Variants in PEPD observed in about 807,000 individuals in gnomAD.
PEPD encodes the protein xaa-Pro dipeptidase.
A neutral mutation model predicts 60.7 loss-of-function variants in PEPD; 53 were observed. That is an observed-to-expected ratio of 0.87 (90% CI 0.70 to 1.10). PEPD has a LOEUF of 1.10. PEPD is among the 50% of genes least tolerant of loss of function. The pLI is 0.00. For missense variants in PEPD, 711 were observed against 711.9 expected (o/e 1.00, Z 0.01); for synonymous variants, 267 against 284.1 (o/e 0.94, Z 0.60).
In PEPD at chr19:33,410,723, A is replaced by G. The variant is rs182884332; in HGVS notation, c.818+949T>C. ...GCTTGTTCGGGTGCATCTGCCATAG[A>G]AGAAAGGGCACCAAAGAACTGGGAG... On this transcript the variant is annotated intron_variant, in intron 11 of 14. Coordinates refer to ENST00000244137, the MANE Select transcript of PEPD (RefSeq NM_000285.4). Among the ~76,000 whole-genome samples the G allele has an allele frequency of 1.8e-3, 272 of 152,282 alleles. 1 individual carries two copies. Among genetic ancestry groups the G allele is most frequent in the African/African-American group, 5.8e-3 (240 of 41,576 alleles).
intron 9 of PEPD, among the ~76,000 whole-genome samples, chr19:33,457,247 C>T (rs994673162): frequency 6.6e-6 from 1 of 151,988 alleles, no homozygotes; most frequent in African/African-American, 2.4e-5. Flanking sequence ...GCCTGGGCAA[C>T]AAGGCAAAAC....
rs750890043 is a variant in PEPD at position 33,500,985 on chromosome 19, G to A, written c.346C>T (p.His116Tyr). The A allele has an allele frequency of 1.2e-6, 2 of 1,600,374 alleles. No homozygotes were observed. Among genetic ancestry groups the A allele is most frequent in the South Asian group, 1.1e-5 (1 of 90,806 alleles). Reference sequence around the variant, plus strand: ...TCCACGGCATACTTCTCCTTGAAGTGCTCCTTGGAATGGATCCTCAAAGAA... The same window carrying A: ...TCCACGGCATACTTCTCCTTGAAGTACTCCTTGGAATGGATCCTCAAAGAA... ...TWMGKIHSKE[H>Y]FKEKYAVDDV... The change falls in exon 4 of 15, where the codon CAC becomes TAC. Residue 116 changes from histidine (H) to tyrosine (Y), a missense_variant. By Grantham distance (83) the His-to-Tyr change is moderately conservative (BLOSUM62 2). Transcript: ENST00000244137.
At chr19:33,506,378 A>G (rs531585862) in intron 3 of PEPD, among the ~76,000 whole-genome samples, 142 of 139,500 alleles carry the variant, frequency 1.0e-3, no homozygotes, top group African/African-American at 3.6e-3. Flanking sequence ...CCCCATCACA[A>G]ACACCTTACA....
chr19:33,514,821 C>T (rs957081326), intron 1 of PEPD, among the ~76,000 whole-genome samples: 1 of 152,058 alleles, frequency 6.6e-6, no homozygotes, highest in African/African-American at 2.4e-5. Flanking sequence ...GACCAGGTTC[C>T]CCACTCTTCT....
chr19:33,443,676 C>CA (rs111740291), intron 9 of PEPD, among the ~76,000 whole-genome samples: 1,840 of 142,564 alleles, frequency 0.013, 26 homozygotes, highest in South Asian at 0.075. Context: ...ACTCTTATTC[C>CA]AAAAAAAAAA....
At chr19:33,504,837 T>G (rs1970770058) in intron 3 of PEPD, among the ~76,000 whole-genome samples, 1 of 151,732 alleles carries the variant, frequency 6.6e-6, no homozygotes, top group African/African-American at 2.4e-5. Context: ...CCACACACAC[T>G]CCCCTCAAAT....
At position 33,387,342 on chromosome 19, in the gene PEPD, C is replaced by A. The variant is rs567334835; in HGVS notation, c.*2G>T. 3.7e-6 allele frequency: 6 copies of A among 1,613,894 alleles called. No individual in the cohort carries two copies. The Admixed American group carries it at 1.0e-4, about 27-fold the overall frequency. On this transcript the variant is annotated 3_prime_UTR_variant, in exon 15 of 15. Transcript: ENST00000244137. ...CAGGTGCGCTGGGATTTCTGGCTGGCTCTACTTGGGGCCAGAGAAGGGGGT... is the reference window on the plus strand; with the variant it reads ...CAGGTGCGCTGGGATTTCTGGCTGGATCTACTTGGGGCCAGAGAAGGGGGT...
At chr19:33,418,884 A>G (rs1968948756) in intron 9 of PEPD, among the ~76,000 whole-genome samples, 1 of 152,214 alleles carries the variant, frequency 6.6e-6, no homozygotes, top group Admixed American at 6.5e-5. Flanking sequence ...GAAGCCTCGG[A>G]CTAAAGCCAG....
intron 9 of PEPD, among the ~76,000 whole-genome samples, chr19:33,452,962 G>A (rs995963249): frequency 3.9e-5 from 6 of 152,286 alleles, no homozygotes; most frequent in Middle Eastern, 6.8e-3. Context: ...ATGGCTAAGA[G>A]AGTTAAAGGA....
intron 11 of PEPD, among the ~76,000 whole-genome samples, chr19:33,407,973 T>C (rs1165609472): frequency 2.0e-5 from 3 of 152,140 alleles, no homozygotes; most frequent in Non-Finnish European, 4.4e-5. Context: ...CCTCAGGAAG[T>C]CTGTCTCAGT....
At chr19:33,471,360 A>C (rs1190330215) in intron 7 of PEPD, among the ~76,000 whole-genome samples, 1 of 152,208 alleles carries the variant, frequency 6.6e-6, no homozygotes, top group African/African-American at 2.4e-5. Flanking sequence ...AAACACCAGA[A>C]ACTGTTTTTA....
chr19:33,482,360 A>G (rs1244132011), intron 6 of PEPD, among the ~76,000 whole-genome samples: 1 of 152,264 alleles, frequency 6.6e-6, no homozygotes, highest in Non-Finnish European at 1.5e-5. Context: ...TTGTATAAAT[A>G]GATGGAGAAA....
At chr19:33,481,482 C>T (rs943872342) in intron 6 of PEPD, among the ~76,000 whole-genome samples, 7 of 152,122 alleles carry the variant, frequency 4.6e-5, no homozygotes, top group African/African-American at 7.2e-5. Context: ...AGGAGAATTG[C>T]TTGAACCCAG....
chr19:33,391,980 G>A (rs1600075804), intron 12 of PEPD, among the ~76,000 whole-genome samples: 2 of 152,328 alleles, frequency 1.3e-5, no homozygotes, highest in African/African-American at 4.8e-5. Flanking sequence ...GGGGAAGCCC[G>A]AGGCTGAAAA....
chr19:33,394,659 GGTTCCCTTGCTGGCCTGGGCCCACTC>G (rs1194426773), intron 12 of PEPD, among the ~76,000 whole-genome samples: 2 of 152,190 alleles, frequency 1.3e-5, no homozygotes, highest in African/African-American at 4.8e-5. Context: ...CCAACTTGAG[GGTTCCCTTGCTGGCCTGGGCCCACTC>G]TCAGGCTCCT....
intron 5 of PEPD, among the ~76,000 whole-genome samples, chr19:33,491,435 G>A (rs77689826): frequency 4.6e-4 from 70 of 152,268 alleles, no homozygotes; most frequent in Non-Finnish European, 9.1e-4. Flanking sequence ...GGCAACAAGA[G>A]CAAAACTCCA....
rs770680005 is a variant in PEPD at position 33,512,790 on chromosome 19, A to G, written c.18-14T>C. On this transcript the variant is annotated splice_polypyrimidine_tract_variant and intron_variant, in intron 1 of 14. Coordinates refer to ENST00000244137, the MANE Select transcript of PEPD (RefSeq NM_000285.4). ...CAAAACGAGGGTCTGCAGAGGCAAG[A>G]GCACACACCGCCACACAGGCCTCTG... 10 of 1,613,796 alleles carry G rather than the reference A, an allele frequency of 6.2e-6. No homozygotes were observed. The Admixed American group carries it at 1.7e-4, about 27-fold the overall frequency.
intron 11 of PEPD, 48 bp from the exon 12 acceptor site, chr19:33,401,917 C>T (rs759115706): frequency 1.3e-6 from 2 of 1,595,792 alleles, no homozygotes; most frequent in Non-Finnish European, 8.6e-7. Context: ...GTGCCACCGC[C>T]CCCTTACCCT....
intron 12 of PEPD, among the ~76,000 whole-genome samples, chr19:33,392,355 C>A (rs1191407503): frequency 6.6e-6 from 1 of 152,224 alleles, no homozygotes; most frequent in Non-Finnish European, 1.5e-5. Flanking sequence ...GTGCGCCCGT[C>A]CCATCCCCGG....
Sources: allele counts gnomAD v4.1 joint callset (sites outside exome capture counted in the v4.1 genomes callset), GRCh38; gene constraint gnomAD v4.1.1; transcripts MANE v1.5; gene names NCBI Gene and HGNC (gene_info 2026-07-23, HGNC 2026-07-21).